ANK2: variants seen among roughly 807,000 people sequenced by gnomAD.
ANK2 encodes ankyrin-2.
Under a neutral mutation model 360.5 loss-of-function variants are expected in ANK2, and 83 were observed. The observed-to-expected ratio is 0.23, with a 90% CI of 0.19 to 0.28. The LOEUF (loss-of-function observed/expected upper bound fraction) is 0.28, where lower values mean the gene tolerates loss of function less well. Ranked by LOEUF, ANK2 falls within the 10% of genes least tolerant of loss-of-function variation. The pLI, the probability that ANK2 is intolerant of heterozygous loss-of-function variation, is 1.00. For missense variants in ANK2, 4,201 were observed against 4,795.7 expected, an observed-to-expected ratio of 0.88 and a Z score of 3.66; for synonymous variants, 1,740 against 1,759.5, an observed-to-expected ratio of 0.99 and a Z score of 0.28.
intron 26 of ANK2, chr4:113,323,871 C>T (rs2153884902): frequency 7.1e-7 from 1 of 1,417,632 alleles, no homozygotes; most frequent in Non-Finnish European, 9.8e-7. Context: ...TCTGCATATT[C>T]CTTGCCTCAG....
intron 1 of ANK2, among the ~76,000 whole-genome samples, chr4:112,829,491 C>CAAAAAAGAAAAAAAAAAAA (rs2059198853): frequency 1.6e-5 from 1 of 60,728 alleles, no homozygotes; most frequent in Admixed American, 1.7e-4. Flanking sequence ...CCCATCTCTA[C>CAAAAAAGAAAAAAAAAAAA]AAAAAAAAAA....
At chr4:113,336,884 T>C in intron 31 of ANK2, 103 bp downstream of exon 31, 1 of 1,087,010 alleles carries the variant, frequency 9.2e-7, no homozygotes, top group Non-Finnish European at 1.4e-6. Flanking sequence ...CAGGGTCATA[T>C]GCATTAATTC....
At chr4:113,324,517 C>T (rs1467206435) in intron 26 of ANK2, among the ~76,000 whole-genome samples, 1 of 152,146 alleles carries the variant, frequency 6.6e-6, no homozygotes, top group East Asian at 1.9e-4. Context: ...CTTTTATATA[C>T]ATCCTTATAC....
intron 2 of ANK2, among the ~76,000 whole-genome samples, chr4:112,934,287 C>T (rs181078095): frequency 3.3e-5 from 5 of 152,336 alleles, no homozygotes; most frequent in Admixed American, 3.3e-4. Flanking sequence ...TAGTGACCAA[C>T]TGCAGAGCCG....
Position 113,381,760 on chromosome 4 carries a change from G to A in ANK2, c.*289G>A. The A allele has an allele frequency of 9.4e-7, 1 of 1,068,624 alleles. No individual in the cohort carries two copies. Among genetic ancestry groups the A allele is most frequent in the South Asian group, 1.5e-5 (1 of 66,040 alleles). The allele number at this position is 1,068,624 out of a possible 1,614,324, so 66.2% of individuals were successfully genotyped here. A position where few individuals can be genotyped will look rare whatever the true frequency, so the allele number is the denominator to read the frequency against. On this transcript the variant is annotated 3_prime_UTR_variant, in exon 46 of 46. Transcript: ENST00000357077. ...GGATACCCCGACATTTCCACTGTTA[G>A]CAAATATACGGCATTTTGCTTTAGT...
At chr4:112,792,756 A>G in the ANK2 span, among the ~76,000 whole-genome samples, 8 of 152,362 alleles carry the variant, frequency 5.3e-5, no homozygotes, top group Non-Finnish European at 1.0e-4. Flanking sequence ...TTCCCTGCTT[A>G]GTTGAGTTAC....
the ANK2 span, among the ~76,000 whole-genome samples, chr4:112,802,296 G>A: frequency 1.3e-5 from 2 of 152,102 alleles, no homozygotes; most frequent in East Asian, 3.9e-4. Context: ...ATGCCACTGT[G>A]GAATTAAGAA....
At chr4:113,127,627 G>A (rs1426393219) in intron 1 of ANK2, among the ~76,000 whole-genome samples, 1 of 152,114 alleles carries the variant, frequency 6.6e-6, no homozygotes, top group African/African-American at 2.4e-5. Flanking sequence ...GTACCTCAGA[G>A]GTTGAACATA....
chr4:113,364,680 T>C (rs1524996), intron 40 of ANK2, among the ~76,000 whole-genome samples: 40,895 of 152,120 alleles, frequency 0.27, 8,098 homozygotes, highest in African/African-American at 0.56. Context: ...AACAGAAGGG[T>C]GCCCAGTTAA....
At chr4:112,764,707 CTT>C in the ANK2 span, among the ~76,000 whole-genome samples, 24 of 132,918 alleles carry the variant, frequency 1.8e-4, no homozygotes, top group African/African-American at 4.4e-4. Context: ...GAAAAGTTAT[CTT>C]TTTTTTTTTT....
chr4:113,074,971 G>A (rs1264377643), intron 1 of ANK2, among the ~76,000 whole-genome samples: 1 of 152,154 alleles, frequency 6.6e-6, no homozygotes, highest in Non-Finnish European at 1.5e-5. Context: ...ATTTAAAAAT[G>A]CACTTTAGTA....
At chr4:112,885,656 G>A (rs1476028314) in intron 1 of ANK2, among the ~76,000 whole-genome samples, 1 of 151,534 alleles carries the variant, frequency 6.6e-6, no homozygotes, top group Non-Finnish European at 1.5e-5. Context: ...AATTAGCCGG[G>A]CGTGGTGGCG....
chr4:113,065,530 C>G (rs2075255724), intron 1 of ANK2, among the ~76,000 whole-genome samples: 1 of 152,126 alleles, frequency 6.6e-6, no homozygotes, highest in African/African-American at 2.4e-5. Context: ...AGTCAAGCAC[C>G]TTGGCCAGAA....
At chr4:113,019,535 T>C (rs912383271) in intron 2 of ANK2, among the ~76,000 whole-genome samples, 2 of 152,186 alleles carry the variant, frequency 1.3e-5, no homozygotes, top group African/African-American at 4.8e-5. Flanking sequence ...TTTGTATTAG[T>C]TTTTAGATAT....
intron 1 of ANK2, among the ~76,000 whole-genome samples, chr4:112,839,862 C>A (rs888399300): frequency 6.6e-6 from 1 of 152,104 alleles, no homozygotes; most frequent in African/African-American, 2.4e-5. Flanking sequence ...GAAATTTTGC[C>A]TTGCACATTC....
At chr4:112,876,328 T>C (rs2075101911) in intron 1 of ANK2, among the ~76,000 whole-genome samples, 2 of 152,184 alleles carry the variant, frequency 1.3e-5, no homozygotes, top group African/African-American at 4.8e-5. Context: ...TAACTTTGCA[T>C]ATACTGTGGG....
At chr4:112,971,788 G>A (rs1208017636) in intron 2 of ANK2, among the ~76,000 whole-genome samples, 1 of 152,194 alleles carries the variant, frequency 6.6e-6, no homozygotes, top group Non-Finnish European at 1.5e-5. Context: ...CAGCCTTCTG[G>A]CAGGTGCAGT....
chr4:112,926,595 A>C lies in ANK2; in HGVS notation c.21+22081A>C, dbSNP rs77093711. Among the ~76,000 whole-genome samples the C allele has an allele frequency of 7.5e-3, 1,135 of 152,332 alleles. 8 individuals carry two copies. The highest frequency in any genetic ancestry group is 0.018 in the African/African-American group (754 of 41,578). On this transcript the variant is annotated intron_variant, in intron 2 of 30. Transcript: ENST00000503271. ...ATTATCTGATTCTATAAGGGTGTGCATATTTGATTCTCTTTCTAAGCTATT... is the reference window on the plus strand; with the variant it reads ...ATTATCTGATTCTATAAGGGTGTGCCTATTTGATTCTCTTTCTAAGCTATT...
intron 1 of ANK2, among the ~76,000 whole-genome samples, chr4:113,079,750 G>C (rs370622186): frequency 1.3e-5 from 2 of 152,090 alleles, no homozygotes; most frequent in East Asian, 1.9e-4. Flanking sequence ...AATTGCACGT[G>C]GGCTCTCTTC....
Sources: allele counts gnomAD v4.1 joint callset (sites outside exome capture counted in the v4.1 genomes callset), GRCh38; gene constraint gnomAD v4.1.1; transcripts MANE v1.5; gene names NCBI Gene and HGNC (gene_info 2026-07-23, HGNC 2026-07-21).